GLI3: variants seen among roughly 807,000 people sequenced by gnomAD.
GLI3 encodes GLI family zinc finger 3, also known as transcription activator GLI3.
Under a neutral mutation model 100.8 loss-of-function variants are expected in GLI3, and 20 were observed. The ratio of observed to expected loss-of-function variants is 0.20; its 90% CI spans 0.14 to 0.29. The LOEUF (loss-of-function observed/expected upper bound fraction) is 0.29. GLI3 is among the 10% of genes least tolerant of loss of function. GLI3 has a pLI of 1.00. For synonymous variants in GLI3, 938 were observed against 860.5 expected (o/e 1.09, Z -1.58); for missense variants, 2,040 against 2,128.5 (o/e 0.96, Z 0.82).
chr7:42,122,055 A>T (rs545429237), intron 3 of GLI3, among the ~76,000 whole-genome samples: 1 of 152,274 alleles, frequency 6.6e-6, no homozygotes, highest in South Asian at 2.1e-4. Context: ...ATCAGAGAAC[A>T]TGCAAACAAG....
intron 1 of GLI3, among the ~76,000 whole-genome samples, chr7:42,247,446 T>C (rs1301226761): frequency 6.6e-6 from 1 of 152,194 alleles, no homozygotes; most frequent in East Asian, 1.9e-4. Context: ...TCTAGTGTAT[T>C]GAGAGACAGC....
intron 3 of GLI3, among the ~76,000 whole-genome samples, chr7:42,095,118 G>T (rs1357448172): frequency 1.3e-5 from 2 of 152,224 alleles, no homozygotes; most frequent in East Asian, 3.9e-4. Context: ...AAGCAGCTCA[G>T]TGTTGCTTTC....
chr7:42,238,025 T>TC (rs1788864832), upstream of GLI3, among the ~76,000 whole-genome samples: 8 of 108,928 alleles, frequency 7.3e-5, no homozygotes, highest in African/African-American at 1.9e-4. Flanking sequence ...TCCTCCTCCT[T>TC]CTCCTCCTCC....
intron 10 of GLI3, among the ~76,000 whole-genome samples, 181 bp from the exon 11 acceptor site, chr7:41,978,929 G>T (rs561038746): frequency 6.6e-6 from 1 of 152,210 alleles, no homozygotes; most frequent in South Asian, 2.1e-4. Context: ...ATTTGCTTTT[G>T]CTAACTGTGT....
At position 41,962,874 on chromosome 7, in the gene GLI3, C is replaced by G. The variant is rs1042044092; in HGVS notation, c.*1456G>C. 6.6e-6 allele frequency: 1 copy of G among 152,116 alleles called. No individual in the cohort carries two copies. The highest frequency in any genetic ancestry group is 1.9e-4 in the East Asian group (1 of 5,200). The allele number at this position is 152,116 out of a possible 1,614,324, so 9.4% of individuals were successfully genotyped here. A position where few individuals can be genotyped will look rare whatever the true frequency, so the allele number is the denominator to read the frequency against. On this transcript the variant is annotated 3_prime_UTR_variant, in exon 15 of 15. Coordinates refer to ENST00000395925, the MANE Select transcript of GLI3 (RefSeq NM_000168.6). Reference sequence around the variant, plus strand: ...GTAGCCTGAGGTGTTAATATTTTAACAGTTTATATAATTTTTTAAAGCAAT... The same window carrying G: ...GTAGCCTGAGGTGTTAATATTTTAAGAGTTTATATAATTTTTTAAAGCAAT...
intron 10 of GLI3, among the ~76,000 whole-genome samples, chr7:41,981,209 G>A (rs1033653873): frequency 6.6e-6 from 1 of 152,216 alleles, no homozygotes; most frequent in Middle Eastern, 3.2e-3. Context: ...AACTGGCCAG[G>A]GAGAGACTGC....
intron 4 of GLI3, among the ~76,000 whole-genome samples, chr7:42,050,013 T>G (rs1032981483): frequency 1.3e-5 from 2 of 152,102 alleles, no homozygotes; most frequent in Admixed American, 6.5e-5. Context: ...GAATATAATC[T>G]TGGTAAAAGC....
At chr7:42,217,320 A>G (rs1159987666) in intron 2 of GLI3, among the ~76,000 whole-genome samples, 3 of 152,220 alleles carry the variant, frequency 2.0e-5, no homozygotes, top group Admixed American at 2.0e-4. Flanking sequence ...CTTAGCCAAA[A>G]TAAAGAACAC....
At chr7:41,999,083 C>CATTCTCTTCAACAGGAA (rs1378860062) in intron 10 of GLI3, among the ~76,000 whole-genome samples, 1 of 152,114 alleles carries the variant, frequency 6.6e-6, no homozygotes, top group Admixed American at 6.5e-5. Context: ...ATGGAGTTTC[C>CATTCTCTTCAACAGGAA]TGTTGAAGAG....
chr7:42,237,560 TCTCCTCCTCTTC>T (rs1235015024), upstream of GLI3, among the ~76,000 whole-genome samples: 4 of 148,590 alleles, frequency 2.7e-5, no homozygotes, highest in African/African-American at 9.9e-5. Context: ...CCTTCCCTTC[TCTCCTCCTCTTC>T]CTCCTCCTCC....
intron 3 of GLI3, among the ~76,000 whole-genome samples, chr7:42,092,030 G>A (rs910084782): frequency 6.6e-6 from 1 of 152,236 alleles, no homozygotes; most frequent in African/African-American, 2.4e-5. Flanking sequence ...CAGGGCCAGT[G>A]GCGGCCCAGG....
intron 2 of GLI3, among the ~76,000 whole-genome samples, chr7:42,170,287 T>TACACACACAC (rs1391940438): frequency 8.1e-6 from 1 of 124,000 alleles, no homozygotes; most frequent in Non-Finnish European, 1.7e-5. Context: ...TATATATATA[T>TACACACACAC]ACACACACAT....
intron 2 of GLI3, among the ~76,000 whole-genome samples, chr7:42,181,960 A>G (rs1015217127): frequency 2.0e-5 from 3 of 152,226 alleles, no homozygotes; most frequent in Non-Finnish European, 2.9e-5. Context: ...TGGTCCTTGT[A>G]GATGAGCTAG....
At chr7:42,235,308 G>A (rs1788768614) in intron 1 of GLI3, among the ~76,000 whole-genome samples, 1 of 152,118 alleles carries the variant, frequency 6.6e-6, no homozygotes, top group Non-Finnish European at 1.5e-5. Context: ...GTCAATTCTT[G>A]TAGATTTCGG....
At chr7:41,978,166 G>T (rs183759248) in intron 11 of GLI3, among the ~76,000 whole-genome samples, 35 of 152,348 alleles carry the variant, frequency 2.3e-4, no homozygotes, top group African/African-American at 7.7e-4. Flanking sequence ...AGTGAAGAAT[G>T]CACAACCTTG....
At chr7:42,010,120 C>A (rs1182531634) in intron 10 of GLI3, among the ~76,000 whole-genome samples, 2 of 152,208 alleles carry the variant, frequency 1.3e-5, no homozygotes, top group East Asian at 3.9e-4. Flanking sequence ...TGACTTGCAG[C>A]ACTTTCTCCA....
intron 2 of GLI3, among the ~76,000 whole-genome samples, chr7:42,173,295 TTCATGTCCCC>T (rs1390700330): frequency 1.3e-5 from 2 of 152,188 alleles, no homozygotes; most frequent in Non-Finnish European, 2.9e-5. Context: ...TTTCTCTCTC[TTCATGTCCCC>T]TCATGTCCCA....
At chr7:42,030,485 A>G (rs879409823) in intron 7 of GLI3, among the ~76,000 whole-genome samples, 11 of 152,206 alleles carry the variant, frequency 7.2e-5, no homozygotes, top group Non-Finnish European at 1.5e-4. Flanking sequence ...ATGTCTGTAA[A>G]GCAGTATTAC....
Position 42,190,017 on chromosome 7 carries a change from CAG to C in GLI3, c.124+33111_124+33112del, listed in dbSNP as rs1040203635. The stretch of plus-strand genomic sequence containing the variant: ...ACACACACACACACACACACACACA[CAG>C]AGAACTATATTTTGCAATTACATAG... On this transcript the variant is annotated intron_variant, in intron 2 of 14. Coordinates refer to ENST00000395925, the MANE Select transcript of GLI3 (RefSeq NM_000168.6). Among the ~76,000 whole-genome samples the C allele has an allele frequency of 1.8e-4, 23 of 131,086 alleles. 1 individual carries two copies. The highest frequency in any genetic ancestry group is 8.3e-4 in the Admixed American group (11 of 13,272). The allele number at this position is 131,086 out of a possible 152,430, so 86.0% of individuals were successfully genotyped here. A position where few individuals can be genotyped will look rare whatever the true frequency, so the allele number is the denominator to read the frequency against.
Sources: allele counts gnomAD v4.1 joint callset (sites outside exome capture counted in the v4.1 genomes callset), GRCh38; gene constraint gnomAD v4.1.1; transcripts MANE v1.5; gene names NCBI Gene and HGNC (gene_info 2026-07-23, HGNC 2026-07-21).